PRMT8: variants seen among roughly 807,000 people sequenced by gnomAD.
The protein encoded by PRMT8 is protein arginine methyltransferase 8, also known as protein arginine N-methyltransferase 8.
Under a neutral mutation model 47.1 loss-of-function variants are expected in PRMT8, and 7 were observed. The observed-to-expected ratio is 0.15, with a 90% CI of 0.08 to 0.28. PRMT8 has a LOEUF of 0.28. Among genes scored for constraint, PRMT8 ranks in the 10% least tolerant of loss-of-function variants. PRMT8 has a pLI of 1.00. For missense variants in PRMT8, 237 were observed against 505.4 expected (o/e 0.47, Z 5.09); for synonymous variants, 188 against 186.5 (o/e 1.01, Z -0.07).
intron 2 of PRMT8, among the ~76,000 whole-genome samples, chr12:3,542,162 G>T (rs182843131): frequency 6.6e-6 from 1 of 152,336 alleles, no homozygotes; most frequent in East Asian, 1.9e-4. Context: ...GTTACTTCTA[G>T]ACTCAGGGGC....
intron 1 of PRMT8, among the ~76,000 whole-genome samples, chr12:3,483,179 C>T (rs370966129): frequency 6.6e-6 from 1 of 152,206 alleles, no homozygotes; most frequent in Non-Finnish European, 1.5e-5. Context: ...GCACACAGCA[C>T]AGCACCCGGT....
chr12:3,421,886 C>G (rs1864545590), intron 1 of PRMT8, among the ~76,000 whole-genome samples: 2 of 152,228 alleles, frequency 1.3e-5, no homozygotes, highest in Non-Finnish European at 2.9e-5. Flanking sequence ...TGCAAGGTCT[C>G]TCTCTGCTGC....
chr12:3,561,467 T>C lies in PRMT8; in HGVS notation c.482-7239T>C, dbSNP rs368258601. ...TTTATTCATATTCAACACCAAGTTG[T>C]TAGAGTTGGTCTTCTATCACAAATG... On this transcript the variant is annotated intron_variant, in intron 4 of 9. Transcript: ENST00000382622. 2.0e-5 allele frequency among the ~76,000 whole-genome samples: 3 copies of C among 152,146 alleles called. No individual in the cohort carries two copies. The East Asian group carries it at 5.8e-4, about 29-fold the overall frequency.
intron 1 of PRMT8, among the ~76,000 whole-genome samples, chr12:3,444,002 C>G (rs1444550696): frequency 3.3e-5 from 5 of 152,236 alleles, no homozygotes; most frequent in Non-Finnish European, 7.3e-5. Context: ...AAGGCTCTCC[C>G]TGCCATTCAC....
intron 1 of PRMT8, among the ~76,000 whole-genome samples, chr12:3,480,135 G>A (rs1865258908): frequency 6.6e-6 from 1 of 152,208 alleles, no homozygotes; most frequent in South Asian, 2.1e-4. Context: ...CTGCAAGTCT[G>A]GCTTGAATGC....
chr12:3,590,622 T>C (rs1867276927), intron 8 of PRMT8, among the ~76,000 whole-genome samples: 1 of 141,396 alleles, frequency 7.1e-6, no homozygotes, highest in Non-Finnish European at 1.5e-5. Flanking sequence ...CTCATCTTTA[T>C]CCTTAGTCCT....
intron 1 of PRMT8, among the ~76,000 whole-genome samples, chr12:3,416,636 C>T (rs891578570): frequency 6.6e-6 from 1 of 152,270 alleles, no homozygotes; most frequent in African/African-American, 2.4e-5. Flanking sequence ...GAGCTCTTTA[C>T]AGGAGCCTGT....
At chr12:3,428,433 C>CTGAA (rs748454926) in intron 1 of PRMT8, among the ~76,000 whole-genome samples, 13 of 152,000 alleles carry the variant, frequency 8.6e-5, no homozygotes, top group Non-Finnish European at 1.6e-4. Flanking sequence ...CTTCTACAGA[C>CTGAA]TGAATGTACT....
intron 1 of PRMT8, among the ~76,000 whole-genome samples, chr12:3,521,633 C>T (rs753004035): frequency 2.2e-4 from 33 of 152,228 alleles, no homozygotes; most frequent in African/African-American, 7.0e-4. Flanking sequence ...GCTAAACAAG[C>T]GTGTGAAAAT....
intron 1 of PRMT8, among the ~76,000 whole-genome samples, chr12:3,400,771 C>T (rs745339708): frequency 1.2e-4 from 19 of 152,174 alleles, no homozygotes; most frequent in Non-Finnish European, 2.1e-4. Context: ...AAAATACTGA[C>T]AAACTGAATC....
intron 1 of PRMT8, among the ~76,000 whole-genome samples, chr12:3,507,948 T>C (rs1865655917): frequency 6.6e-6 from 1 of 152,082 alleles, no homozygotes. Flanking sequence ...TTCCCCTTTT[T>C]TCCCACATTA....
intron 1 of PRMT8, among the ~76,000 whole-genome samples, chr12:3,402,563 A>G (rs1026621094): frequency 6.6e-6 from 1 of 152,256 alleles, no homozygotes; most frequent in Non-Finnish European, 1.5e-5. Context: ...AATGTTTGCA[A>G]TCCATCCATC....
chr12:3,417,714 G>A (rs1025254743), intron 1 of PRMT8, among the ~76,000 whole-genome samples: 5 of 152,088 alleles, frequency 3.3e-5, no homozygotes, highest in Admixed American at 1.3e-4. Context: ...ATTGTCACTC[G>A]TACTTCACTC....
At chr12:3,406,688 C>T (rs959389161) in intron 1 of PRMT8, among the ~76,000 whole-genome samples, 1 of 152,208 alleles carries the variant, frequency 6.6e-6, no homozygotes, top group African/African-American at 2.4e-5. Context: ...CCACCTCAGC[C>T]TGGACTTCAT....
At chr12:3,540,557 G>A (rs369169787) in intron 1 of PRMT8, 49 bp from the exon 2 acceptor site, 57 of 1,279,010 alleles carry the variant, frequency 4.5e-5, no homozygotes, top group East Asian at 2.8e-4. Flanking sequence ...CTCCGAGGGC[G>A]GGACCCCGTT....
intron 4 of PRMT8, among the ~76,000 whole-genome samples, chr12:3,560,551 A>C (rs1347995287): frequency 6.6e-6 from 1 of 152,226 alleles, no homozygotes; most frequent in Non-Finnish European, 1.5e-5. Context: ...GAGATGCTTA[A>C]AAAGGTAGAT....
At chr12:3,494,950 T>C (rs575871191) in intron 1 of PRMT8, among the ~76,000 whole-genome samples, 1 of 152,330 alleles carries the variant, frequency 6.6e-6, no homozygotes, top group East Asian at 1.9e-4. Flanking sequence ...GTTAGTTCCA[T>C]GTACGCTTTC....
At position 3,550,541 on chromosome 12, in the gene PRMT8, T is replaced by C. The variant is rs891638607; in HGVS notation, c.417+450T>C. On this transcript the variant is annotated intron_variant, in intron 3 of 9. Transcript: ENST00000382622. This position sits in a 1 kb window ranked among gnomAD's most constrained non-coding sequence, Gnocchi z 5.1. Reference sequence around the variant, plus strand: ...TAGCAGTCCCTTGCCCATAGGGTGATTGTGAGGATTAAATGAGTATAATAC... The same window carrying C: ...TAGCAGTCCCTTGCCCATAGGGTGACTGTGAGGATTAAATGAGTATAATAC... 3 of 171,950 alleles carry C rather than the reference T, an allele frequency of 1.7e-5. No homozygotes were observed. Among genetic ancestry groups the C allele is most frequent in the Non-Finnish European group, 3.8e-5 (3 of 78,306 alleles). 10.7% of individuals were successfully genotyped at this position (171,950 alleles called of 1,614,324 possible).
intron 1 of PRMT8, among the ~76,000 whole-genome samples, chr12:3,480,851 T>A (rs1865267728): frequency 6.6e-6 from 1 of 152,188 alleles, no homozygotes; most frequent in Admixed American, 6.5e-5. Context: ...CTCTTGTAAC[T>A]TGAGCTTAGG....
Sources: allele counts gnomAD v4.1 joint callset (sites outside exome capture counted in the v4.1 genomes callset), GRCh38; gene constraint gnomAD v4.1.1; non-coding constraint Gnocchi (gnomAD v3.1); transcripts MANE v1.5; gene names NCBI Gene and HGNC (gene_info 2026-07-23, HGNC 2026-07-21).